Variants in SMURF1 observed in about 807,000 individuals in gnomAD.
SMURF1 encodes the protein E3 ubiquitin-protein ligase SMURF1.
Under a neutral mutation model 98.0 loss-of-function variants are expected in SMURF1, and 44 were observed. The observed-to-expected ratio is 0.45, with a 90% CI of 0.35 to 0.58. SMURF1 has a LOEUF of 0.58. Ranked by LOEUF, SMURF1 falls within the 20% of genes least tolerant of loss-of-function variation. The pLI, the probability that SMURF1 is intolerant of heterozygous loss-of-function variation, is 0.00. For synonymous variants in SMURF1, 396 were observed against 374.9 expected (o/e 1.06, Z -0.65); for missense variants, 687 against 938.4 (o/e 0.73, Z 3.50).
chr7:99,123,615 C>T (rs889413340), intron 1 of SMURF1, among the ~76,000 whole-genome samples: 3 of 152,054 alleles, frequency 2.0e-5, no homozygotes, highest in African/African-American at 4.8e-5. Flanking sequence ...TATTATTTTC[C>T]ATTTTATATG....
intron 2 of SMURF1, among the ~76,000 whole-genome samples, chr7:99,061,224 C>T (rs1276953559): frequency 6.6e-6 from 1 of 152,186 alleles, no homozygotes; most frequent in African/African-American, 2.4e-5. Context: ...GCCTAAGTTT[C>T]TTCATCTTGA....
chr7:99,134,362 A>C (rs1797938921), intron 1 of SMURF1, among the ~76,000 whole-genome samples: 1 of 152,070 alleles, frequency 6.6e-6, no homozygotes, highest in African/African-American at 2.4e-5. Context: ...CCACGCGAGA[A>C]CCCTTTGGAA....
intron 1 of SMURF1, among the ~76,000 whole-genome samples, chr7:99,114,138 G>C (rs757506876): frequency 1.2e-4 from 18 of 152,074 alleles, no homozygotes; most frequent in Non-Finnish European, 2.5e-4. Flanking sequence ...TTGGTATTAA[G>C]TTAAACTAGA....
intron 1 of SMURF1, among the ~76,000 whole-genome samples, chr7:99,081,731 C>T (rs969428520): frequency 1.3e-5 from 2 of 152,208 alleles, no homozygotes; most frequent in African/African-American, 2.4e-5. Flanking sequence ...AGGCTCACTG[C>T]GATCTCTGCC....
At chr7:99,094,184 C>A (rs760819734) in intron 1 of SMURF1, among the ~76,000 whole-genome samples, 40 of 152,066 alleles carry the variant, frequency 2.6e-4, no homozygotes, top group Non-Finnish European at 5.1e-4. Flanking sequence ...TTATAAACAA[C>A]CTCTTCTGTA....
chr7:99,046,198 G>C (rs1795568070), intron 10 of SMURF1, among the ~76,000 whole-genome samples: 1 of 152,110 alleles, frequency 6.6e-6, no homozygotes, highest in Non-Finnish European at 1.5e-5. Flanking sequence ...AGAGAGTTCT[G>C]AGCCTCTCTT....
chr7:99,130,972 A>T (rs1027841829), intron 1 of SMURF1, among the ~76,000 whole-genome samples: 1 of 152,234 alleles, frequency 6.6e-6, no homozygotes, highest in African/African-American at 2.4e-5. Flanking sequence ...CCCAGGACTG[A>T]GCTGTTGAAG....
intron 1 of SMURF1, among the ~76,000 whole-genome samples, chr7:99,084,531 G>A (rs1796637174): frequency 6.6e-6 from 1 of 152,146 alleles, no homozygotes; most frequent in African/African-American, 2.4e-5. Context: ...GAAGAATCAG[G>A]GAACTAGATA....
chr7:99,094,312 A>T (rs1371793481), intron 1 of SMURF1, among the ~76,000 whole-genome samples: 1 of 152,208 alleles, frequency 6.6e-6, no homozygotes, highest in Admixed American at 6.5e-5. Context: ...ATTTTGAACA[A>T]GTTTAGGGCA....
At chr7:99,102,985 G>A (rs1327173500) in intron 1 of SMURF1, among the ~76,000 whole-genome samples, 1 of 151,564 alleles carries the variant, frequency 6.6e-6, no homozygotes, top group Non-Finnish European at 1.5e-5. Flanking sequence ...TCTATCTTTA[G>A]GGGAAATAGG....
chr7:99,064,868 T>C (rs1159684809), intron 1 of SMURF1, among the ~76,000 whole-genome samples: 4 of 152,154 alleles, frequency 2.6e-5, no homozygotes, highest in South Asian at 4.1e-4. Flanking sequence ...ATGTGTAAAA[T>C]AGAAAATCCA....
chr7:99,031,483 G>A (rs1794886389), intron 17 of SMURF1: 1 of 152,184 alleles, frequency 6.6e-6, no homozygotes, highest in Admixed American at 6.5e-5. Context: ...ATTAAGGATG[G>A]TTTCTGTCTC....
rs1794824882 is a variant in SMURF1 at position 99,030,135 on chromosome 7, G to T, written c.*449C>A. On this transcript the variant is annotated 3_prime_UTR_variant, in exon 18 of 18. Coordinates refer to ENST00000361368, the MANE Select transcript of SMURF1 (RefSeq NM_181349.3). ...AGCTCTGATAAGATATCTAGCAGCT[G>T]CTCAAATTGAAAAGGGGCCTCAAGG... 1 of 158,872 alleles carries T rather than the reference G, an allele frequency of 6.3e-6. No individual in the cohort carries two copies. Among genetic ancestry groups the T allele is most frequent in the Non-Finnish European group, 1.4e-5 (1 of 71,672 alleles). 9.8% of individuals were successfully genotyped at this position (158,872 alleles called of 1,614,324 possible). A position where few individuals can be genotyped will look rare whatever the true frequency, so the allele number is the denominator to read the frequency against.
At chr7:99,038,825 G>C (rs1232240941) in intron 13 of SMURF1, among the ~76,000 whole-genome samples, 7 of 152,150 alleles carry the variant, frequency 4.6e-5, no homozygotes, top group Non-Finnish European at 1.0e-4. Context: ...AGCAGTGTGG[G>C]AGTCAAAAGG....
intron 1 of SMURF1, among the ~76,000 whole-genome samples, chr7:99,142,568 C>T (rs1359491644): frequency 8.6e-6 from 1 of 116,692 alleles, no homozygotes; most frequent in Non-Finnish European, 1.8e-5. Flanking sequence ...GGGGGCGGGG[C>T]TAGGCAGGAA....
intron 1 of SMURF1, among the ~76,000 whole-genome samples, chr7:99,143,498 G>T (rs1347315864): frequency 2.2e-5 from 3 of 135,872 alleles, no homozygotes; most frequent in African/African-American, 5.5e-5. Flanking sequence ...GCGGGGGAAC[G>T]GGAGGGAACG....
intron 1 of SMURF1, among the ~76,000 whole-genome samples, chr7:99,119,191 A>T (rs918897269): frequency 1.3e-5 from 2 of 151,956 alleles, no homozygotes; most frequent in African/African-American, 4.8e-5. Context: ...TATATGTACA[A>T]GTATTTTTAT....
rs895171547 is a variant in SMURF1 at position 99,029,636 on chromosome 7, T to C, written c.*948A>G. 1 of 152,252 alleles carries C rather than the reference T, an allele frequency of 6.6e-6. No individual in the cohort carries two copies. Among genetic ancestry groups the C allele is most frequent in the African/African-American group, 2.4e-5 (1 of 41,468 alleles). The allele number at this position is 152,252 out of a possible 1,614,324, so 9.4% of individuals were successfully genotyped here. A position where few individuals can be genotyped will look rare whatever the true frequency, so the allele number is the denominator to read the frequency against. On this transcript the variant is annotated 3_prime_UTR_variant, in exon 18 of 18. Transcript: ENST00000361368. Reference sequence around the variant, plus strand: ...GTTCACACCAAGCCAGCAGCTATGATGACACAATTTTGTTAGTTTAGCTCT... The same window carrying C: ...GTTCACACCAAGCCAGCAGCTATGACGACACAATTTTGTTAGTTTAGCTCT...
At chr7:99,033,219 A>T in intron 16 of SMURF1, 98 bp from the exon 17 acceptor site, 1 of 1,174,924 alleles carries the variant, frequency 8.5e-7, no homozygotes, top group South Asian at 1.4e-5. Context: ...CCACATTCCC[A>T]CCCCCACACC....
Sources: allele counts gnomAD v4.1 joint callset (sites outside exome capture counted in the v4.1 genomes callset), GRCh38; gene constraint gnomAD v4.1.1; transcripts MANE v1.5; gene names NCBI Gene and HGNC (gene_info 2026-07-23, HGNC 2026-07-21).